Variants in TRAPPC9 observed in about 807,000 individuals in gnomAD.
TRAPPC9 encodes IKK2 binding protein.
Under a neutral mutation model 124.0 loss-of-function variants are expected in TRAPPC9, and 83 were observed. That is an observed-to-expected ratio of 0.67 (90% CI 0.56 to 0.80). TRAPPC9 has a LOEUF of 0.80. TRAPPC9 is among the 30% of genes least tolerant of loss of function. The pLI, the probability that TRAPPC9 is intolerant of heterozygous loss-of-function variation, is 0.00. For synonymous variants in TRAPPC9, 638 were observed against 617.5 expected (o/e 1.03, Z -0.49); for missense variants, 1,302 against 1,508.3 (o/e 0.86, Z 2.27).
chr8:140,061,825 T>C (rs1288060908), intron 17 of TRAPPC9, among the ~76,000 whole-genome samples: 3 of 152,122 alleles, frequency 2.0e-5, no homozygotes, highest in Admixed American at 6.5e-5. Flanking sequence ...TAACAGAGCA[T>C]TGAAGTCAAT....
chr8:140,079,340 G>A (rs1843683044), intron 17 of TRAPPC9, among the ~76,000 whole-genome samples: 2 of 152,190 alleles, frequency 1.3e-5, no homozygotes, highest in South Asian at 2.1e-4. Flanking sequence ...ACTTTGAATG[G>A]GTGACACTTA....
chr8:140,209,553 CTTTGAAGCTT>C, intron 17 of TRAPPC9, among the ~76,000 whole-genome samples: 1 of 152,312 alleles, frequency 6.6e-6, no homozygotes, highest in South Asian at 2.1e-4. Flanking sequence ...TAAAGGATTC[CTTTGAAGCTT>C]TTATGCTTAA....
At chr8:139,780,706 C>T (rs1018517357) in intron 21 of TRAPPC9, among the ~76,000 whole-genome samples, 1 of 151,822 alleles carries the variant, frequency 6.6e-6, no homozygotes, top group African/African-American at 2.4e-5. Context: ...AAAGCTTCTG[C>T]TCTGTTAAAG....
intron 8 of TRAPPC9, 21 bp downstream of exon 8, chr8:140,370,943 C>T (rs564721311): frequency 8.1e-6 from 13 of 1,612,560 alleles, no homozygotes; most frequent in Non-Finnish European, 1.1e-5. Context: ...CACCTTAGCG[C>T]CAGCAAGGGG....
chr8:139,894,964 C>T lies in TRAPPC9; in HGVS notation c.2965-8995G>A, dbSNP rs1054473281. ...CATGCCTGAGCCATGTTGGGCACTA[C>T]GACAAGGGCTGTGCCTGTTCCCTTC... On this transcript the variant is annotated intron_variant, in intron 20 of 22. Transcript: ENST00000438773. Among the ~76,000 whole-genome samples the T allele has an allele frequency of 5.3e-5, 8 of 152,180 alleles. 1 individual carries two copies. Among genetic ancestry groups the T allele is most frequent in the African/African-American group, 1.9e-4 (8 of 41,434 alleles).
chr8:140,267,419 C>T (rs2064714019), intron 15 of TRAPPC9, among the ~76,000 whole-genome samples: 1 of 152,228 alleles, frequency 6.6e-6, no homozygotes, highest in Non-Finnish European at 1.5e-5. Context: ...TTCACGCTCA[C>T]CACAACCCTA....
At chr8:140,418,066 T>G (rs2070005849) in intron 5 of TRAPPC9, among the ~76,000 whole-genome samples, 1 of 151,998 alleles carries the variant, frequency 6.6e-6, no homozygotes, top group African/African-American at 2.4e-5. Context: ...TGTCAGGGAA[T>G]GGGGGGCTAG....
chr8:140,017,202 T>C (rs1839530148), intron 18 of TRAPPC9, among the ~76,000 whole-genome samples: 1 of 152,224 alleles, frequency 6.6e-6, no homozygotes, highest in Non-Finnish European at 1.5e-5. Flanking sequence ...TAATTTGCCT[T>C]TTAATAAGCT....
At chr8:140,114,332 GAAAA>G (rs59499088) in intron 17 of TRAPPC9, among the ~76,000 whole-genome samples, 1 of 117,052 alleles carries the variant, frequency 8.5e-6, no homozygotes, top group African/African-American at 3.2e-5. Flanking sequence ...AAGGACTGAA[GAAAA>G]AAAAAAAAAA....
chr8:140,005,644 C>T (rs916323444), intron 18 of TRAPPC9, among the ~76,000 whole-genome samples: 1 of 151,936 alleles, frequency 6.6e-6, no homozygotes, highest in African/African-American at 2.4e-5. Context: ...TTTGGGAAGA[C>T]AAGGGAGAAG....
chr8:139,811,942 C>T (rs1177249952), intron 21 of TRAPPC9, among the ~76,000 whole-genome samples: 1 of 152,144 alleles, frequency 6.6e-6, no homozygotes, highest in Admixed American at 6.5e-5. Flanking sequence ...GAAGCAGAAG[C>T]AGGATCTGGC....
intron 6 of TRAPPC9, among the ~76,000 whole-genome samples, chr8:140,401,000 G>A (rs2069246419): frequency 1.3e-5 from 2 of 152,156 alleles, no homozygotes; most frequent in South Asian, 4.1e-4. Flanking sequence ...ATTAAAGAAA[G>A]GGTTTATAGA....
chr8:140,015,779 G>C (rs1839427190), intron 18 of TRAPPC9, among the ~76,000 whole-genome samples: 1 of 151,876 alleles, frequency 6.6e-6, no homozygotes, highest in South Asian at 2.1e-4. Context: ...CTGCACTCCA[G>C]CCCGAGCAAA....
At chr8:140,274,401 T>C (rs4637801) in intron 15 of TRAPPC9, among the ~76,000 whole-genome samples, 112,061 of 152,162 alleles carry the variant, frequency 0.74, 42,520 homozygotes, top group African/African-American at 0.87. Flanking sequence ...ACCATGCACA[T>C]AAATCACTAG....
At chr8:139,866,548 T>G (rs1587029508) in intron 21 of TRAPPC9, among the ~76,000 whole-genome samples, 2 of 152,212 alleles carry the variant, frequency 1.3e-5, no homozygotes, top group East Asian at 3.9e-4. Context: ...TGGGAAGGGC[T>G]GGGATGGAGA....
chr8:140,371,207 C>T (rs111639876), intron 7 of TRAPPC9, 27 bp from the exon 8 acceptor site: 3 of 1,579,318 alleles, frequency 1.9e-6, no homozygotes, highest in African/African-American at 1.3e-5. Context: ...AAGTAAAAAG[C>T]TTTTGAAAGA....
At chr8:139,917,167 CTTTTT>C (rs71318317) in intron 19 of TRAPPC9, among the ~76,000 whole-genome samples, 70 of 99,936 alleles carry the variant, frequency 7.0e-4, no homozygotes, top group African/African-American at 2.7e-3. Flanking sequence ...TTATTATTTT[CTTTTT>C]TTTTTTTTTT....
rs551758743 is a variant in TRAPPC9 at position 140,257,217 on chromosome 8, T to A, written c.2279-4288A>T. Among the ~76,000 whole-genome samples the A allele has an allele frequency of 2.6e-5, 4 of 152,318 alleles. No homozygotes were observed. The highest frequency in any genetic ancestry group is 9.6e-5 in the African/African-American group (4 of 41,566). ...TAGAGTTCAGAGAGATCAAGCAGCT[T>A]TCCTAAGGGTACAAAGCTAGGATGT... On this transcript the variant is annotated intron_variant, in intron 15 of 22. Transcript: ENST00000438773. The surrounding 1 kb of genome is among the most constrained non-coding windows in gnomAD (Gnocchi z 4.6).
chr8:140,425,137 A>G (rs1413637571), intron 5 of TRAPPC9, among the ~76,000 whole-genome samples: 1 of 152,226 alleles, frequency 6.6e-6, no homozygotes, highest in Non-Finnish European at 1.5e-5. Flanking sequence ...AAAGACAGAT[A>G]TGATTTCAGT....
Sources: allele counts gnomAD v4.1 joint callset (sites outside exome capture counted in the v4.1 genomes callset), GRCh38; gene constraint gnomAD v4.1.1; non-coding constraint Gnocchi (gnomAD v3.1); transcripts MANE v1.5; gene names NCBI Gene and HGNC (gene_info 2026-07-23, HGNC 2026-07-21).